The following NAA40 variants were observed in gnomAD, a reference collection of about 807,000 sequenced individuals.
The protein encoded by NAA40 is N-alpha-acetyltransferase 40.
A neutral mutation model predicts 36.6 loss-of-function variants in NAA40; 26 were observed. That is an observed-to-expected ratio of 0.71 (90% confidence interval 0.52 to 0.98). NAA40 has a LOEUF of 0.98. Ranked by LOEUF, NAA40 falls within the 50% of genes least tolerant of loss-of-function variation. The pLI is 0.00. For synonymous variants in NAA40, 129 were observed against 108.4 expected (o/e 1.19, Z -1.18); for missense variants, 237 against 306.5 (o/e 0.77, Z 1.69).
intron 1 of NAA40, among the ~76,000 whole-genome samples, chr11:63,941,845 C>T (rs1385786169): frequency 2.0e-5 from 3 of 152,142 alleles, no homozygotes; most frequent in Non-Finnish European, 2.9e-5. Context: ...TGAGCCACCG[C>T]GCCCAGCCTG....
At position 63,949,743 on chromosome 11, in the gene NAA40, GTTTTTT is replaced by G. The variant is rs10708671; in HGVS notation, c.156-2481_156-2476del. Among the ~76,000 whole-genome samples, 3 of 108,448 alleles carry G rather than the reference GTTTTTT, an allele frequency of 2.8e-5. No individual in the cohort carries two copies. In the Admixed American group the frequency reaches 3.5e-4, roughly 13 times the overall value. The allele number at this position is 108,448 out of a possible 152,430, so 71.1% of individuals were successfully genotyped here. A position where few individuals can be genotyped will look rare whatever the true frequency, so the allele number is the denominator to read the frequency against. On this transcript the variant is annotated intron_variant, in intron 3 of 7. Coordinates refer to ENST00000377793, the MANE Select transcript of NAA40 (RefSeq NM_024771.4). ...GATGATGATGCCAAACTTGCAAGCT[GTTTTTT>G]TTTTTTTTTTTTTGAGATGGTGTCT...
chr11:63,954,537 G>T lies in NAA40; in HGVS notation c.*58G>T. On this transcript the variant is annotated 3_prime_UTR_variant, in exon 8 of 8. Coordinates refer to ENST00000377793, the MANE Select transcript of NAA40 (RefSeq NM_024771.4). The stretch of plus-strand genomic sequence containing the variant: ...TCTCCTAAGGCCTTTCCTCTTTCCT[G>T]GTCTCACTGTTCACCGGGTGTCCTC... 6.6e-7 allele frequency: 1 copy of T among 1,515,494 alleles called. No homozygotes were observed. Among genetic ancestry groups the T allele is most frequent in the Non-Finnish European group, 8.8e-7 (1 of 1,131,246 alleles). The allele number at this position is 1,515,494 out of a possible 1,614,324, so 93.9% of individuals were successfully genotyped here.
At chr11:63,947,323 C>T (rs1297308077) in intron 3 of NAA40, among the ~76,000 whole-genome samples, 1 of 151,998 alleles carries the variant, frequency 6.6e-6, no homozygotes, top group Non-Finnish European at 1.5e-5. Flanking sequence ...AGGAGAATCA[C>T]TTGAACCCGG....
rs1468842472 is a variant in NAA40, at chr11:63,955,210, A to G, written c.*731A>G. 1 of 152,490 alleles carries G rather than the reference A, an allele frequency of 6.6e-6. No homozygotes were observed. Among genetic ancestry groups the G allele is most frequent in the African/African-American group, 2.4e-5 (1 of 41,376 alleles). 9.4% of individuals were successfully genotyped at this position (152,490 alleles called of 1,614,324 possible). A position where few individuals can be genotyped will look rare whatever the true frequency, so the allele number is the denominator to read the frequency against. On this transcript the variant is annotated 3_prime_UTR_variant, in exon 8 of 8. Transcript: ENST00000377793. ...GATGATTGCTTCTCTAGGCTCCTGG[A>G]TGTTGCTGCATTCTAAGCTTAACCT...
chr11:63,954,703 G>A lies in NAA40; in HGVS notation c.*224G>A. The A allele has an allele frequency of 2.4e-6, 1 of 413,298 alleles. No homozygotes were observed. The highest frequency in any genetic ancestry group is 4.2e-6 in the Non-Finnish European group (1 of 240,892). The allele number at this position is 413,298 out of a possible 1,614,324, so 25.6% of individuals were successfully genotyped here. A position where few individuals can be genotyped will look rare whatever the true frequency, so the allele number is the denominator to read the frequency against. Reference sequence around the variant, plus strand: ...GGAATGAAAGGGAGAGGGAAGAGTAGGTGGGGCCGGGCAGTGAAGCTCATC... The same window carrying A: ...GGAATGAAAGGGAGAGGGAAGAGTAAGTGGGGCCGGGCAGTGAAGCTCATC... On this transcript the variant is annotated 3_prime_UTR_variant, in exon 8 of 8. Coordinates refer to ENST00000377793, the MANE Select transcript of NAA40 (RefSeq NM_024771.4).
In NAA40 at chr11:63,952,459, A is replaced by T. The variant is rs1242753003; in HGVS notation, c.304A>T (p.Thr102Ser). The change falls in exon 5 of 8, where the codon ACA becomes TCA. Residue 102 changes from threonine to serine, a missense_variant. Coordinates refer to ENST00000377793, the MANE Select transcript of NAA40 (RefSeq NM_024771.4). ...WKDREKREEMTDDRAWYLIAW... is the reference protein window; with the variant it reads ...WKDREKREEMSDDRAWYLIAW... ...GGACCGAGAGAAACGGGAGGAAATG[A>T]CAGATGACCGAGCCTGGTACCTCAT... The T allele has an allele frequency of 1.2e-6, 2 of 1,614,076 alleles. No individual in the cohort carries two copies. The highest frequency in any genetic ancestry group is 2.2e-5 in the East Asian group (1 of 44,898).
intron 1 of NAA40, among the ~76,000 whole-genome samples, chr11:63,943,795 T>TA (rs1016206294): frequency 5.3e-5 from 8 of 151,218 alleles, no homozygotes; most frequent in African/African-American, 9.7e-5. Flanking sequence ...CCCCCATCTC[T>TA]AAAAAAAATA....
At position 63,952,783 on chromosome 11, in the gene NAA40, G is replaced by A. The variant is rs780091569; in HGVS notation, c.438G>A (p.Val146=). The change falls in exon 6 of 8, where the codon GTG becomes GTA. Residue 146 remains valine (V), a synonymous_variant. Coordinates refer to ENST00000377793, the MANE Select transcript of NAA40 (RefSeq NM_024771.4). ...YCYEVQLESK[V]RRKGLGKFLI... is the part of the protein sequence containing the mutation. ...ATGAAGTGCAGTTGGAAAGCAAGGT[G>A]CGGCGGAAAGGCCTGGGGAAGTTCC... is the stretch of plus-strand genomic sequence containing the variant. 2 of 1,614,160 alleles carry A rather than the reference G, an allele frequency of 1.2e-6. No homozygotes were observed. The highest frequency in any genetic ancestry group is 1.3e-5 in the African/African-American group (1 of 75,060).
At chr11:63,943,490 G>A (rs926649291) in intron 1 of NAA40, among the ~76,000 whole-genome samples, 3 of 152,158 alleles carry the variant, frequency 2.0e-5, no homozygotes, top group Admixed American at 6.5e-5. Flanking sequence ...GGACATAGGC[G>A]CCTCAGTAGG....
intron 1 of NAA40, chr11:63,939,546 G>T (rs1314487962): frequency 4.1e-6 from 4 of 967,464 alleles, no homozygotes; most frequent in Non-Finnish European, 3.7e-6. Context: ...TCATATTGTC[G>T]GGGGCGTCAG....
At chr11:63,943,336 C>T (rs764706840) in intron 1 of NAA40, among the ~76,000 whole-genome samples, 2 of 152,162 alleles carry the variant, frequency 1.3e-5, no homozygotes, top group Non-Finnish European at 2.9e-5. Context: ...TGTATAGCGG[C>T]ACTGTGTTGG....
At chr11:63,946,770 C>T (rs914308227) in intron 2 of NAA40, 181 bp from the exon 3 acceptor site, 13 of 1,536,470 alleles carry the variant, frequency 8.5e-6, no homozygotes, top group African/African-American at 6.9e-5. Flanking sequence ...CAAAGCCTTC[C>T]TCGCACATGT....
rs748327603 is a variant in NAA40 at position 63,945,900 on chromosome 11, G to A, written c.67G>A (p.Asp23Asn). The change falls in exon 2 of 8, where the codon GAT (aspartate) becomes AAT (asparagine). Residue 23 changes from aspartate to asparagine, a missense_variant. Transcript: ENST00000377793. ...QKRLEERAAM[D>N]AVCAKVDAAN... ...GCGGTTGGAGGAGCGAGCAGCCATG[G>A]ATGCCGTTTGTGCCAAAGTGGACGC... The A allele has an allele frequency of 6.2e-7, 1 of 1,614,198 alleles. No individual in the cohort carries two copies.
intron 2 of NAA40, 77 bp downstream of exon 2, chr11:63,946,012 C>A (rs1422793286): frequency 7.4e-7 from 1 of 1,355,176 alleles, no homozygotes; most frequent in Non-Finnish European, 1.0e-6. Context: ...TTTGTCTCCA[C>A]CCTGTGGCAG....
chr11:63,953,491 G>A (rs923690985), intron 6 of NAA40, among the ~76,000 whole-genome samples: 9 of 151,890 alleles, frequency 5.9e-5, no homozygotes, highest in Admixed American at 5.2e-4. Flanking sequence ...CCTGTGATGG[G>A]GGAAGCAGTG....
intron 3 of NAA40, among the ~76,000 whole-genome samples, chr11:63,947,276 G>A (rs527246317): frequency 2.0e-5 from 3 of 151,866 alleles, no homozygotes; most frequent in East Asian, 1.9e-4. Context: ...GCACGGTGGC[G>A]ATCGCCTGTA....
chr11:63,939,522 G>C, intron 1 of NAA40: 1 of 997,264 alleles, frequency 1.0e-6, no homozygotes, highest in Non-Finnish European at 1.2e-6. Flanking sequence ...AGGAAAGAAG[G>C]CGCCTAGCCA....
At chr11:63,953,460 A>G (rs1276407255) in intron 6 of NAA40, among the ~76,000 whole-genome samples, 1 of 152,208 alleles carries the variant, frequency 6.6e-6, no homozygotes, top group African/African-American at 2.4e-5. Flanking sequence ...GTCAGGGCCG[A>G]TGCCTGTGCA....
At chr11:63,948,250 A>G (rs1942220762) in intron 3 of NAA40, among the ~76,000 whole-genome samples, 2 of 152,192 alleles carry the variant, frequency 1.3e-5, no homozygotes, top group African/African-American at 4.8e-5. Flanking sequence ...CATTTAATGC[A>G]TGGGAAACTG....
Sources: allele counts gnomAD v4.1 joint callset (sites outside exome capture counted in the v4.1 genomes callset), GRCh38; gene constraint gnomAD v4.1.1; transcripts MANE v1.5; gene names NCBI Gene and HGNC (gene_info 2026-07-23, HGNC 2026-07-21).